The following OLFM2 variants were observed in gnomAD, a reference collection of about 807,000 sequenced individuals.
The protein encoded by OLFM2 is noelin-2.
Under a neutral mutation model 43.9 loss-of-function variants are expected in OLFM2, and 20 were observed. The ratio of observed to expected loss-of-function variants is 0.46; its 90% CI spans 0.32 to 0.66. The LOEUF (loss-of-function observed/expected upper bound fraction) is 0.66, where lower values mean the gene tolerates loss of function less well. Among genes scored for constraint, OLFM2 ranks in the 30% least tolerant of loss-of-function variants. OLFM2 has a pLI of 0.04. For synonymous variants in OLFM2, 268 were observed against 278.6 expected (o/e 0.96, Z 0.38); for missense variants, 416 against 643.6 (o/e 0.65, Z 3.83).
chr19:9,888,521 C>CAAAA (rs33932579), intron 1 of OLFM2, among the ~76,000 whole-genome samples: 3 of 138,638 alleles, frequency 2.2e-5, no homozygotes, highest in African/African-American at 8.0e-5. Flanking sequence ...GACCTTACCT[C>CAAAA]AAAAAAAAAA....
At chr19:9,876,633 C>A (rs1465596382) in intron 1 of OLFM2, among the ~76,000 whole-genome samples, 1 of 152,158 alleles carries the variant, frequency 6.6e-6, no homozygotes, top group African/African-American at 2.4e-5. Context: ...GCATTCAATT[C>A]CCCCAGTGGA....
In OLFM2 at chr19:9,857,730, C is replaced by T. The variant is rs764581298; in HGVS notation, c.345G>A (p.Ser115=). ...ARLRAADGSL[S]AKSFQELKDR... is the part of the protein sequence containing the mutation. Reference sequence around the variant, plus strand: ...GAGGACCCACCTGGAAGCTCTTGGCCGAGAGGGACCCATCAGCTGCCCGGA... The same window carrying T: ...GAGGACCCACCTGGAAGCTCTTGGCTGAGAGGGACCCATCAGCTGCCCGGA... The change falls in exon 3 of 6, where the codon TCG becomes TCA. Residue 115 remains serine (S), a synonymous_variant. Coordinates refer to ENST00000264833, the MANE Select transcript of OLFM2 (RefSeq NM_058164.4). The surrounding 1 kb of genome is among the most constrained non-coding windows in gnomAD (Gnocchi z 5.7). The T allele has an allele frequency of 6.8e-6, 11 of 1,614,000 alleles. No homozygotes were observed. The highest frequency in any genetic ancestry group is 7.6e-6 in the Non-Finnish European group (9 of 1,180,022).
chr19:9,911,742 T>C (rs2046829297), intron 1 of OLFM2, among the ~76,000 whole-genome samples: 1 of 152,284 alleles, frequency 6.6e-6, no homozygotes. Context: ...ACACACCATA[T>C]GCACACATTT....
At chr19:9,934,009 C>T (rs1156885658) in intron 1 of OLFM2, among the ~76,000 whole-genome samples, 1 of 152,168 alleles carries the variant, frequency 6.6e-6, no homozygotes, top group African/African-American at 2.4e-5. Flanking sequence ...GATTTGATGA[C>T]TCAGTTGGTG....
intron 1 of OLFM2, among the ~76,000 whole-genome samples, chr19:9,864,008 G>A (rs765453434): frequency 6.6e-6 from 1 of 152,224 alleles, no homozygotes; most frequent in African/African-American, 2.4e-5. Context: ...GGTAGGAGCT[G>A]GGTGGAGCTA....
intron 1 of OLFM2, chr19:9,913,686 G>C (rs923958333): frequency 9.1e-7 from 1 of 1,101,634 alleles, no homozygotes; most frequent in Non-Finnish European, 1.1e-6. Flanking sequence ...CGGGGCGCTC[G>C]GTCCCTCGAC....
At chr19:9,908,201 T>C (rs1477757021) in intron 1 of OLFM2, among the ~76,000 whole-genome samples, 4 of 152,094 alleles carry the variant, frequency 2.6e-5, no homozygotes, top group Non-Finnish European at 5.9e-5. Flanking sequence ...CATAGCTCAC[T>C]GTAGCCTCCA....
chr19:9,888,347 AC>A (rs2145462242), intron 1 of OLFM2, among the ~76,000 whole-genome samples: 1 of 151,114 alleles, frequency 6.6e-6, no homozygotes, highest in South Asian at 2.1e-4. Flanking sequence ...ACATGGTGAA[AC>A]CCCCGTCTCT....
chr19:9,914,419 C>T (rs1186710555), intron 1 of OLFM2, among the ~76,000 whole-genome samples: 1 of 152,126 alleles, frequency 6.6e-6, no homozygotes, highest in Non-Finnish European at 1.5e-5. Context: ...TCGGTCATTT[C>T]GTGCCCCCAG....
At chr19:9,918,569 C>T (rs2086400190) in intron 1 of OLFM2, among the ~76,000 whole-genome samples, 1 of 152,128 alleles carries the variant, frequency 6.6e-6, no homozygotes, top group African/African-American at 2.4e-5. Context: ...AAGACCTAAA[C>T]ATGAATATTC....
At chr19:9,902,405 T>C in intron 1 of OLFM2, among the ~76,000 whole-genome samples, 1 of 143,632 alleles carries the variant, frequency 7.0e-6, no homozygotes, top group Admixed American at 7.1e-5. Context: ...TTTTTTGAGA[T>C]GGAGTCTCAC....
intron 1 of OLFM2, among the ~76,000 whole-genome samples, chr19:9,868,302 T>G (rs1475947490): frequency 4.6e-5 from 7 of 152,150 alleles, no homozygotes; most frequent in Non-Finnish European, 7.4e-5. Flanking sequence ...CCTCAGGTGA[T>G]CTGCCCGCCT....
chr19:9,871,270 A>C (rs913313865), intron 1 of OLFM2, among the ~76,000 whole-genome samples: 4 of 36,914 alleles, frequency 1.1e-4, no homozygotes, highest in Non-Finnish European at 2.1e-4. Context: ...GATCCTGTCT[A>C]AAAAAAAAAA....
chr19:9,900,004 T>C (rs986732872), intron 1 of OLFM2, among the ~76,000 whole-genome samples: 1 of 152,230 alleles, frequency 6.6e-6, no homozygotes, highest in African/African-American at 2.4e-5. Flanking sequence ...CCCTGGCACA[T>C]AGTAGGTGCA....
At position 9,919,176 on chromosome 19, in the gene OLFM2, C is replaced by T. The variant is rs143710890; in HGVS notation, c.63+17128G>A. Among the ~76,000 whole-genome samples the T allele has an allele frequency of 4.2e-3, 630 of 149,202 alleles. 7 individuals carry two copies. The highest frequency in any genetic ancestry group is 0.014 in the African/African-American group (547 of 40,020). ...ACGCAGTGAGACCTCATTTCTCTCT[C>T]TTTTTTTTGAGATGGAGTCTCGCTC... On this transcript the variant is annotated intron_variant, in intron 1 of 5. Coordinates refer to ENST00000264833, the MANE Select transcript of OLFM2 (RefSeq NM_058164.4).
intron 1 of OLFM2, among the ~76,000 whole-genome samples, chr19:9,934,504 C>T (rs1033130790): frequency 2.6e-5 from 4 of 151,920 alleles, no homozygotes; most frequent in African/African-American, 9.7e-5. Flanking sequence ...AATCTAGTGC[C>T]CCCCTAGCAG....
At chr19:9,928,629 A>T (rs770678205) in intron 1 of OLFM2, among the ~76,000 whole-genome samples, 2 of 151,778 alleles carry the variant, frequency 1.3e-5, no homozygotes, top group Non-Finnish European at 2.9e-5. Context: ...ACATGGCAAA[A>T]CCCCGTCTCT....
At chr19:9,878,762 G>A (rs540993709) in intron 1 of OLFM2, among the ~76,000 whole-genome samples, 1 of 152,282 alleles carries the variant, frequency 6.6e-6, no homozygotes, top group Admixed American at 6.5e-5. Context: ...GAAAAAGGAA[G>A]AGGCAATTAT....
chr19:9,859,122 G>A (rs564223530), intron 2 of OLFM2, among the ~76,000 whole-genome samples: 1 of 152,272 alleles, frequency 6.6e-6, no homozygotes, highest in South Asian at 2.1e-4. Context: ...AGACTTTCCT[G>A]TACAATTATT....
Sources: allele counts gnomAD v4.1 joint callset (sites outside exome capture counted in the v4.1 genomes callset), GRCh38; gene constraint gnomAD v4.1.1; non-coding constraint Gnocchi (gnomAD v3.1); transcripts MANE v1.5; gene names NCBI Gene and HGNC (gene_info 2026-07-23, HGNC 2026-07-21).